SLC38A2: variants seen among roughly 807,000 people sequenced by gnomAD.
SLC38A2 encodes sodium-coupled neutral amino acid symporter 2.
In SLC38A2, 11 loss-of-function variants were observed where a neutral mutation model predicts 61.5. The observed-to-expected ratio is 0.18, with a 90% confidence interval of 0.11 to 0.30. The LOEUF (loss-of-function observed/expected upper bound fraction) is 0.30, where lower values mean the gene tolerates loss of function less well. Ranked by LOEUF, SLC38A2 falls within the 10% of genes least tolerant of loss-of-function variation. The pLI, the probability that SLC38A2 is intolerant of heterozygous loss-of-function variation, is 1.00. For synonymous variants in SLC38A2, 217 were observed against 212.5 expected, an observed-to-expected ratio of 1.02 and a Z score of -0.18; for missense variants, 522 against 600.4, an observed-to-expected ratio of 0.87 and a Z score of 1.36.
At chr12:46,372,163 C>T (rs55795804) in intron 1 of SLC38A2, among the ~76,000 whole-genome samples, 24,613 of 152,240 alleles carry the variant, frequency 0.16, 3,417 homozygotes, top group African/African-American at 0.37. Context: ...AGATTCCTGG[C>T]TCCCTGGACT....
chr12:46,362,763 T>G, intron 13 of SLC38A2, 125 bp from the exon 14 acceptor site: 1 of 1,104,740 alleles, frequency 9.1e-7, no homozygotes, highest in Non-Finnish European at 1.3e-6. Flanking sequence ...TAACTATTTC[T>G]AAATAAAACT....
chr12:46,362,669 A>C, intron 13 of SLC38A2, 31 bp from the exon 14 acceptor site: 1 of 1,544,654 alleles, frequency 6.5e-7, no homozygotes, highest in Non-Finnish European at 8.6e-7. Flanking sequence ...ATGTATTTTA[A>C]AAATAGCAGC....
intron 4 of SLC38A2, 41 bp from the exon 5 acceptor site, chr12:46,367,381 T>C (rs758071002): frequency 6.7e-6 from 7 of 1,042,284 alleles, no homozygotes; most frequent in Non-Finnish European, 1.0e-5. Context: ...TAAATAAGCA[T>C]GGCTATATTT....
chr12:46,370,921 ACTGCTTTAACATAAAATACC>A, intron 2 of SLC38A2, 64 bp from the exon 3 acceptor site: 1 of 1,257,986 alleles, frequency 7.9e-7, no homozygotes, highest in Non-Finnish European at 1.1e-6. Context: ...TACACACAAG[ACTGCTTTAACATAAAATACC>A]CTCCAACAGC....
chr12:46,370,376 G>A (rs1292861705), intron 4 of SLC38A2, 136 bp downstream of exon 4: 37 of 657,134 alleles, frequency 5.6e-5, no homozygotes, highest in Non-Finnish European at 8.5e-5. Flanking sequence ...ATTTTTTGGG[G>A]TTTCTCATAC....
rs1943101384 is a variant in SLC38A2 at position 46,363,141 on chromosome 12, A to G, written c.1059T>C (p.His353=). 6.2e-7 allele frequency: 1 copy of G among 1,612,154 alleles called. No homozygotes were observed. The part of the protein sequence containing the change: ...ALFGYLTFYE[H]VESELLHTYS... ...AGGTATGAAGCAATTCTGACTCAAC[A>G]TGTTCTACAGGGAAAGACCAAAAAA... Residue 353 remains histidine, a synonymous_variant, in exon 13 of 16, where the codon CAT becomes CAC. Coordinates refer to ENST00000256689, the MANE Select transcript of SLC38A2 (RefSeq NM_018976.5).
intron 1 of SLC38A2, chr12:46,371,625 T>C (rs1358725983): frequency 3.3e-6 from 1 of 302,886 alleles, no homozygotes; most frequent in Non-Finnish European, 6.2e-6. Context: ...CAGATTTCAG[T>C]ATTTCACCCT....
At position 46,358,343 on chromosome 12, in the gene SLC38A2, A is replaced by G. The variant is rs1943043608; in HGVS notation, c.*2768T>C. On this transcript the variant is annotated 3_prime_UTR_variant, in exon 16 of 16. Coordinates refer to ENST00000256689, the MANE Select transcript of SLC38A2 (RefSeq NM_018976.5). ...TACACTATATACACAAAGTTAATACACCCAGGTTCTCAAAGGTCTTCCATT... is the reference window on the plus strand; with the variant it reads ...TACACTATATACACAAAGTTAATACGCCCAGGTTCTCAAAGGTCTTCCATT... 1 of 152,636 alleles carries G rather than the reference A, an allele frequency of 6.6e-6. No homozygotes were observed. The allele number at this position is 152,636 out of a possible 1,614,324, so 9.5% of individuals were successfully genotyped here. A position where few individuals can be genotyped will look rare whatever the true frequency, so the allele number is the denominator to read the frequency against.
Position 46,370,553 on chromosome 12 carries a change from C to T in SLC38A2, c.273G>A (p.Gly91=), listed in dbSNP as rs943851409. 2 of 1,614,110 alleles carry T rather than the reference C, an allele frequency of 1.2e-6. No individual in the cohort carries two copies. Among genetic ancestry groups the T allele is most frequent in the Non-Finnish European group, 1.7e-6 (2 of 1,179,984 alleles). ...SNAIVGSGIL[G]LSYAMANTGI... is the part of the protein sequence containing the mutation. ...CAGTATTAGCCATGGCATAAGAAAGCCCAAGGATTCCACTGCCCACAATCG... is the reference window on the plus strand; with the variant it reads ...CAGTATTAGCCATGGCATAAGAAAGTCCAAGGATTCCACTGCCCACAATCG... Residue 91 remains glycine (G), a synonymous_variant, in exon 4 of 16, where the codon GGG becomes GGA. Transcript: ENST00000256689.
chr12:46,364,899 A>G (rs1221487276), intron 8 of SLC38A2, 197 bp from the exon 9 acceptor site: 5 of 674,072 alleles, frequency 7.4e-6, no homozygotes, highest in African/African-American at 1.8e-5. Context: ...CAAGCTAATA[A>G]AAACTATCAT....
At chr12:46,363,482 A>G (rs1415040967) in intron 12 of SLC38A2, among the ~76,000 whole-genome samples, 3 of 150,194 alleles carry the variant, frequency 2.0e-5, no homozygotes, top group East Asian at 3.9e-4. Context: ...AGAGGCTGGC[A>G]TATCATACAA....
rs1231177353 is a variant in SLC38A2 at position 46,359,917 on chromosome 12, CAA to C, written c.*1192_*1193del. ...TGCATGAGAAACCCAGTGGCCTACGCAAAGAGAACTTATATCATATCAAACAT... is the reference window on the plus strand; with the variant it reads ...TGCATGAGAAACCCAGTGGCCTACGCAGAGAACTTATATCATATCAAACAT... On this transcript the variant is annotated 3_prime_UTR_variant, in exon 16 of 16. Coordinates refer to ENST00000256689, the MANE Select transcript of SLC38A2 (RefSeq NM_018976.5). The C allele has an allele frequency of 1.3e-5, 2 of 152,614 alleles. No individual in the cohort carries two copies. Among genetic ancestry groups the C allele is most frequent in the Non-Finnish European group, 2.9e-5 (2 of 68,010 alleles). The allele number at this position is 152,614 out of a possible 1,614,324, so 9.5% of individuals were successfully genotyped here. A position where few individuals can be genotyped will look rare whatever the true frequency, so the allele number is the denominator to read the frequency against.
At chr12:46,367,004 C>A in intron 6 of SLC38A2, 59 bp from the exon 7 acceptor site, 1 of 1,597,706 alleles carries the variant, frequency 6.3e-7, no homozygotes, top group Non-Finnish European at 8.6e-7. Flanking sequence ...GACACTAAAA[C>A]GCATGTGTCA....
In SLC38A2 at chr12:46,362,311, T is replaced by C; in HGVS notation, c.1395A>G (p.Glu465=). ...CAATCTTTTGTACAGATTTCATAGG[T>C]TCTTTCTTCACCAACTTGATATAGA... ...SAFYIKLVKK[E]PMKSVQKIGA... The change falls in exon 15 of 16, where the codon GAA becomes GAG. Residue 465 remains glutamate, a synonymous_variant. Transcript: ENST00000256689. 6.2e-7 allele frequency: 1 copy of C among 1,612,020 alleles called. No individual in the cohort carries two copies. The highest frequency in any genetic ancestry group is 8.5e-7 in the Non-Finnish European group (1 of 1,179,024).
intron 4 of SLC38A2, 122 bp from the exon 5 acceptor site, chr12:46,367,462 T>C: frequency 1.5e-6 from 1 of 669,120 alleles, no homozygotes; most frequent in South Asian, 1.8e-5. Context: ...CAAAATGCCC[T>C]GAAGAACTGG....
chr12:46,363,806 A>C lies in SLC38A2; in HGVS notation c.974T>G (p.Met325Arg). The change falls in exon 12 of 16, where the codon ATG becomes AGG. Residue 325 changes from methionine to arginine, a missense_variant. Met to Arg is a moderately conservative substitution (Grantham distance 91, BLOSUM62 -1). Coordinates refer to ENST00000256689, the MANE Select transcript of SLC38A2 (RefSeq NM_018976.5). ...ELKDRSRRRM[M>R]NVSKISFFAM... ...AAAAAATGAAATCTTGGACACATTC[A>C]TCATTCTTCTACGGCTGCGGCTATG... 1.3e-6 allele frequency: 2 copies of C among 1,596,676 alleles called. No individual in the cohort carries two copies. Among genetic ancestry groups the C allele is most frequent in the South Asian group, 2.3e-5 (2 of 87,430 alleles).
chr12:46,371,325 G>GTA lies in SLC38A2; in HGVS notation c.-34_-33dup. 6.4e-7 allele frequency: 1 copy of GTA among 1,564,084 alleles called. No homozygotes were observed. The highest frequency in any genetic ancestry group is 8.8e-7 in the Non-Finnish European group (1 of 1,134,918). On this transcript the variant is annotated 5_prime_UTR_variant, in exon 2 of 16. Coordinates refer to ENST00000256689, the MANE Select transcript of SLC38A2 (RefSeq NM_018976.5). Reference sequence around the variant, plus strand: ...CACTGGGAGGAATCGGGTGCAGCTAGTAGCGCTGGGCTCCTTTTGTCCTTG... The same window carrying GTA: ...CACTGGGAGGAATCGGGTGCAGCTAGTATAGCGCTGGGCTCCTTTTGTCCTTG...
chr12:46,361,020 G>T lies in SLC38A2; in HGVS notation c.*91C>A. On this transcript the variant is annotated 3_prime_UTR_variant, in exon 16 of 16. Transcript: ENST00000256689. ...AGGAATCTGCACTTCAAAAGGAAGT[G>T]AAACTGAAAACATTAGGTGAAATTT... The T allele has an allele frequency of 1.0e-6, 1 of 966,816 alleles. No individual in the cohort carries two copies. The highest frequency in any genetic ancestry group is 1.6e-6 in the Non-Finnish European group (1 of 630,878). 59.9% of individuals were successfully genotyped at this position (966,816 alleles called of 1,614,324 possible).
chr12:46,363,290 T>G, intron 12 of SLC38A2, 145 bp from the exon 13 acceptor site: 1 of 1,040,422 alleles, frequency 9.6e-7, no homozygotes, highest in South Asian at 1.7e-5. Flanking sequence ...TTTGGAATTA[T>G]AGTTAATGCA....
Sources: gnomAD v4.1 joint callset for allele counts (sites outside exome capture counted in the v4.1 genomes callset) on GRCh38, gnomAD v4.1.1 for gene constraint, MANE v1.5 for transcripts, NCBI Gene and HGNC (gene_info 2026-07-23, HGNC 2026-07-21) for gene names.